The following CCDC178 variants were observed in gnomAD, a reference collection of about 807,000 sequenced individuals.
CCDC178 encodes the protein coiled-coil domain containing 178.
A neutral mutation model predicts 117.4 loss-of-function variants in CCDC178; 126 were observed. The observed-to-expected ratio is 1.07, with a 90% CI of 0.93 to 1.24. The LOEUF (loss-of-function observed/expected upper bound fraction) is 1.24, where lower values mean the gene tolerates loss of function less well. Ranked by LOEUF, CCDC178 falls within the 50% of genes most tolerant of loss-of-function variation. The pLI is 0.00. For missense variants in CCDC178, 1,030 were observed against 986.9 expected (o/e 1.04, Z -0.59); for synonymous variants, 283 against 313.4 (o/e 0.90, Z 1.02).
intron 9 of CCDC178, among the ~76,000 whole-genome samples, chr18:33,334,387 AAGCAC>A (rs1323197275): frequency 1.2e-4 from 19 of 152,190 alleles, no homozygotes; most frequent in Non-Finnish European, 1.5e-5. Context: ...TTGAAATTTT[AAGCAC>A]AGGGATTTCC....
chr18:33,178,688 A>G (rs1355761870), intron 20 of CCDC178, among the ~76,000 whole-genome samples: 2 of 152,092 alleles, frequency 1.3e-5, no homozygotes, highest in African/African-American at 4.8e-5. Context: ...CATGTTTTCA[A>G]TTGCACTGTT....
At chr18:32,945,009 T>C (rs1244938299) in intron 22 of CCDC178, among the ~76,000 whole-genome samples, 1 of 152,234 alleles carries the variant, frequency 6.6e-6, no homozygotes, top group Non-Finnish European at 1.5e-5. Context: ...GGTATGTCTT[T>C]ATCAGCAGCA....
At chr18:33,240,723 A>T (rs944627939) in intron 15 of CCDC178, among the ~76,000 whole-genome samples, 1 of 151,918 alleles carries the variant, frequency 6.6e-6, no homozygotes, top group Non-Finnish European at 1.5e-5. Context: ...AAGTATTCCA[A>T]CAGAGAAAAA....
At chr18:33,421,198 T>A (rs183355370) in intron 2 of CCDC178, among the ~76,000 whole-genome samples, 1 of 152,124 alleles carries the variant, frequency 6.6e-6, no homozygotes, top group Non-Finnish European at 1.5e-5. Flanking sequence ...GTGGCCCAAA[T>A]AAAGTAATGA....
intron 22 of CCDC178, among the ~76,000 whole-genome samples, chr18:32,943,671 C>T (rs1364693316): frequency 6.6e-6 from 1 of 152,146 alleles, no homozygotes; most frequent in African/African-American, 2.4e-5. Context: ...TGTGGCAAAA[C>T]ATGTTGTAAA....
chr18:33,234,774 T>C (rs1294877741), intron 15 of CCDC178, among the ~76,000 whole-genome samples: 1 of 152,148 alleles, frequency 6.6e-6, no homozygotes, highest in African/African-American at 2.4e-5. Context: ...TGATAGCAAT[T>C]CATAACTCAA....
chr18:33,292,391 G>T (rs529365818), intron 12 of CCDC178, among the ~76,000 whole-genome samples: 2 of 152,130 alleles, frequency 1.3e-5, no homozygotes, highest in African/African-American at 4.8e-5. Context: ...CAGAAGCAGA[G>T]AGTAGAACAG....
chr18:33,134,098 A>G (rs557577717), intron 20 of CCDC178, among the ~76,000 whole-genome samples: 3 of 152,124 alleles, frequency 2.0e-5, no homozygotes, highest in East Asian at 1.9e-4. Context: ...CTAGAAACTC[A>G]TAGATCAAAG....
chr18:32,947,517 T>G (rs1398297687), intron 22 of CCDC178, among the ~76,000 whole-genome samples: 1 of 152,236 alleles, frequency 6.6e-6, no homozygotes, highest in Non-Finnish European at 1.5e-5. Context: ...GTGAATTGTC[T>G]ATTCAAATCT....
At chr18:32,946,720 T>TG (rs1179397135) in intron 22 of CCDC178, among the ~76,000 whole-genome samples, 76 of 38,046 alleles carry the variant, frequency 2.0e-3, no homozygotes, top group Non-Finnish European at 2.1e-3. Context: ...TGTGGTTTTT[T>TG]GGGTTTTTTT....
At chr18:33,221,948 T>C (rs2059239948) in intron 18 of CCDC178, among the ~76,000 whole-genome samples, 1 of 152,108 alleles carries the variant, frequency 6.6e-6, no homozygotes, top group African/African-American at 2.4e-5. Context: ...TCTTTTGGAA[T>C]ATTAAAATGT....
intron 20 of CCDC178, among the ~76,000 whole-genome samples, chr18:33,131,407 A>G (rs990554589): frequency 5.3e-5 from 8 of 151,790 alleles, no homozygotes; most frequent in African/African-American, 1.9e-4. Context: ...ATCATGCCCA[A>G]ACAGAACTAT....
intron 21 of CCDC178, among the ~76,000 whole-genome samples, chr18:33,030,000 T>C (rs2056304670): frequency 6.6e-6 from 1 of 152,082 alleles, no homozygotes; most frequent in Admixed American, 6.5e-5. Context: ...GGTTAAAATG[T>C]TTTTAAAGTC....
rs1195549980 is a variant in CCDC178, at chr18:32,937,466, A to C, written c.*545T>G. The C allele has an allele frequency of 1.3e-5, 2 of 152,204 alleles. No homozygotes were observed. The highest frequency in any genetic ancestry group is 3.9e-4 in the East Asian group (2 of 5,194). The allele number at this position is 152,204 out of a possible 1,614,324, so 9.4% of individuals were successfully genotyped here. ...CATCTCCAGCTCATTGAAAACTTTA[A>C]ACTTCCACAAAATTAAGATAGAACA... On this transcript the variant is annotated 3_prime_UTR_variant, in exon 23 of 23. Transcript: ENST00000383096.
intron 21 of CCDC178, among the ~76,000 whole-genome samples, chr18:33,083,945 A>G (rs2057337569): frequency 6.6e-6 from 1 of 152,234 alleles, no homozygotes; most frequent in African/African-American, 2.4e-5. Flanking sequence ...GGTTTTTGGC[A>G]TGGTTCAAGG....
intron 21 of CCDC178, among the ~76,000 whole-genome samples, chr18:32,989,685 T>C (rs1212390334): frequency 1.3e-5 from 2 of 152,158 alleles, no homozygotes; most frequent in African/African-American, 2.4e-5. Context: ...TTCCAAACCA[T>C]TTAATAATAT....
At chr18:33,086,460 C>T (rs1164472567) in intron 21 of CCDC178, among the ~76,000 whole-genome samples, 1 of 141,068 alleles carries the variant, frequency 7.1e-6, no homozygotes, top group South Asian at 2.2e-4. Flanking sequence ...ATATATATAG[C>T]GAGAAAGAGA....
intron 20 of CCDC178, among the ~76,000 whole-genome samples, chr18:33,203,861 G>C (rs996766929): frequency 2.0e-5 from 3 of 152,128 alleles, no homozygotes; most frequent in African/African-American, 7.2e-5. Flanking sequence ...GTTTGTCTCT[G>C]GAATGTTCTT....
intron 21 of CCDC178, among the ~76,000 whole-genome samples, chr18:33,004,161 T>C (rs1175358177): frequency 6.6e-6 from 1 of 151,970 alleles, no homozygotes; most frequent in Non-Finnish European, 1.5e-5. Flanking sequence ...TTCACAGAAA[T>C]AGAAAAAACA....
Sources: allele counts gnomAD v4.1 joint callset (sites outside exome capture counted in the v4.1 genomes callset), GRCh38; gene constraint gnomAD v4.1.1; transcripts MANE v1.5; gene names NCBI Gene and HGNC (gene_info 2026-07-23, HGNC 2026-07-21).